The following DCLRE1A variants were observed in gnomAD, a reference collection of about 807,000 sequenced individuals.
The protein encoded by DCLRE1A is DNA cross-link repair 1A protein.
In DCLRE1A, 64 loss-of-function variants were observed where a neutral mutation model predicts 91.9. The ratio of observed to expected loss-of-function variants is 0.70; its 90% CI spans 0.57 to 0.86. The LOEUF is 0.86. Ranked by LOEUF, DCLRE1A falls within the 40% of genes least tolerant of loss-of-function variation. The probability of loss-of-function intolerance (pLI) is 0.00; values close to 1 mark genes in which losing one functional copy is unlikely to be tolerated. For missense variants in DCLRE1A, 1,145 were observed against 1,213.3 expected, an observed-to-expected ratio of 0.94 and a Z score of 0.84; for synonymous variants, 416 against 431.1, an observed-to-expected ratio of 0.96 and a Z score of 0.43.
At chr10:113,852,618 C>T in intron 1 of DCLRE1A, 105 bp downstream of exon 1, 1 of 1,144,168 alleles carries the variant, frequency 8.7e-7, no homozygotes, top group South Asian at 1.6e-5. Context: ...TCTCATCTCT[C>T]TTTTAGGTTA....
In DCLRE1A at chr10:113,841,534, C is replaced by CTT; in HGVS notation, c.2690_2691dup (p.Val898LysfsTer38). ...TTATATTTTTCCTGGGACATGCCCA[C>CTT]TTTTGAACCTAAAACATCAGCAATG... On this transcript the variant is annotated frameshift_variant, in exon 7 of 9. Coordinates refer to ENST00000361384, the MANE Select transcript of DCLRE1A (RefSeq NM_014881.5). LOFTEE classifies it high-confidence loss of function. 1 of 1,609,682 alleles carries CTT rather than the reference C, an allele frequency of 6.2e-7. No individual in the cohort carries two copies. Among genetic ancestry groups the CTT allele is most frequent in the Non-Finnish European group, 8.5e-7 (1 of 1,178,472 alleles).
chr10:113,836,334 C>T (rs1342783611), intron 8 of DCLRE1A, among the ~76,000 whole-genome samples: 2 of 151,980 alleles, frequency 1.3e-5, no homozygotes, highest in Non-Finnish European at 2.9e-5. Context: ...AACAATTCTT[C>T]CTTTAGACAC....
intron 1 of DCLRE1A, 47 bp downstream of exon 1, chr10:113,852,676 A>C (rs1845673534): frequency 6.5e-7 from 1 of 1,532,290 alleles, no homozygotes; most frequent in Middle Eastern, 1.7e-4. Flanking sequence ...GACCTAATGA[A>C]GACTTTTTAG....
intron 3 of DCLRE1A, 132 bp downstream of exon 3, chr10:113,847,070 T>C (rs1845549843): frequency 2.2e-6 from 2 of 891,916 alleles, no homozygotes; most frequent in South Asian, 2.9e-5. Context: ...AGGACTTTTA[T>C]GTGGAATATG....
upstream of DCLRE1A, chr10:113,854,183 C>T (rs1845709779): frequency 6.6e-6 from 1 of 152,556 alleles, no homozygotes; most frequent in Non-Finnish European, 1.5e-5. Flanking sequence ...GGGAGCCGCT[C>T]CAGCTGCATC....
chr10:113,849,748 A>G lies in DCLRE1A; in HGVS notation c.1357T>C (p.Tyr453His), dbSNP rs764374449. The change falls in exon 2 of 9, where the codon TAC becomes CAC. Residue 453 changes from tyrosine to histidine, a missense_variant. Coordinates refer to ENST00000361384, the MANE Select transcript of DCLRE1A (RefSeq NM_014881.5). ...QKQVIEESSV[Y>H]NQVSLPLVKS... ...ACTAACGGAAGAGAAACTTGATTGT[A>G]AACAGATGATTCTTCAATTACCTGT... is the stretch of plus-strand genomic sequence containing the variant. The G allele has an allele frequency of 2.5e-6, 4 of 1,614,202 alleles. No individual in the cohort carries two copies. The highest frequency in any genetic ancestry group is 2.2e-5 in the East Asian group (1 of 44,890).
chr10:113,844,868 A>T (rs1845505467), intron 4 of DCLRE1A, among the ~76,000 whole-genome samples: 2 of 151,664 alleles, frequency 1.3e-5, no homozygotes, highest in Admixed American at 1.3e-4. Flanking sequence ...CCCGGGAGGC[A>T]GAGGCTGCAG....
rs1564847341 is a variant in DCLRE1A, at chr10:113,853,646, CCA to C, written c.-466_-465del. 1 of 155,146 alleles carries C rather than the reference CCA, an allele frequency of 6.4e-6. No homozygotes were observed. The highest frequency in any genetic ancestry group is 1.4e-5 in the Non-Finnish European group (1 of 70,274). The allele number at this position is 155,146 out of a possible 1,614,324, so 9.6% of individuals were successfully genotyped here. A position where few individuals can be genotyped will look rare whatever the true frequency, so the allele number is the denominator to read the frequency against. ...CCGTCCAAATAATTCATAAATCCAA[CCA>C]CAGTCCCTGGACAAAGGGCTTAACA... is the stretch of plus-strand genomic sequence containing the variant. On this transcript the variant is annotated 5_prime_UTR_variant, in exon 1 of 9. Coordinates refer to ENST00000361384, the MANE Select transcript of DCLRE1A (RefSeq NM_014881.5).
Position 113,847,212 on chromosome 10 carries a change from T to A in DCLRE1A, c.2249A>T (p.Tyr750Phe), listed in dbSNP as rs200665412. The A allele has an allele frequency of 5.9e-5, 94 of 1,606,732 alleles. No individual in the cohort carries two copies. The highest frequency in any genetic ancestry group is 2.8e-4 in the Admixed American group (17 of 59,746). The change falls in exon 3 of 9, where the codon TAT becomes TTT. Residue 750 changes from tyrosine to phenylalanine, a missense_variant. By Grantham distance (22) the Tyr-to-Phe change is conservative. Coordinates refer to ENST00000361384, the MANE Select transcript of DCLRE1A (RefSeq NM_014881.5). Reference sequence around the variant, plus strand: ...AATACTAAAACTTACCTCACTACAATAAACTGGAAATGTGAAGTGTTTAGA... The same window carrying A: ...AATACTAAAACTTACCTCACTACAAAAAACTGGAAATGTGAAGTGTTTAGA... ...GLSKHFTFPV[Y>F]CSEITGNLLK...
At position 113,845,684 on chromosome 10, in the gene DCLRE1A, C is replaced by G; in HGVS notation, c.2378+1G>C. 3.1e-6 allele frequency: 5 copies of G among 1,611,338 alleles called. No homozygotes were observed. Among genetic ancestry groups the G allele is most frequent in the Non-Finnish European group, 4.2e-6 (5 of 1,177,504 alleles). On this transcript the variant is annotated splice_donor_variant, in intron 4 of 8. Coordinates refer to ENST00000361384, the MANE Select transcript of DCLRE1A (RefSeq NM_014881.5). LOFTEE classifies it high-confidence loss of function. ...GCTATTAAGATGACTTTAATACTTA[C>G]TGATTGGCATCAAGCAAAACAACTT... is the stretch of plus-strand genomic sequence containing the variant.
upstream of DCLRE1A, chr10:113,854,345 C>G (rs1297717724): frequency 6.6e-6 from 1 of 152,340 alleles, no homozygotes; most frequent in Non-Finnish European, 1.5e-5. Context: ...TTATCCCTAC[C>G]CGCTTTACCT....
At chr10:113,836,321 T>C (rs1318983393) in intron 8 of DCLRE1A, among the ~76,000 whole-genome samples, 1 of 152,136 alleles carries the variant, frequency 6.6e-6, no homozygotes, top group Non-Finnish European at 1.5e-5. Context: ...GTTTTTCTTA[T>C]TAAACAATTC....
chr10:113,835,906 G>A (rs1461273193), intron 8 of DCLRE1A, among the ~76,000 whole-genome samples: 1 of 152,118 alleles, frequency 6.6e-6, no homozygotes, highest in Non-Finnish European at 1.5e-5. Context: ...CTGTACTCCA[G>A]CCTGGCGACA....
At position 113,847,259 on chromosome 10, in the gene DCLRE1A, A is replaced by T. The variant is rs773855549; in HGVS notation, c.2202T>A (p.His734Gln). ...GCTAYFLTHF[H>Q]SDHYAGLSKH... is the part of the protein sequence containing the mutation. ...TAGACAATCCAGCATAATGATCAGA[A>T]TGAAAATGTGTGAGAAAATAGGCTG... Residue 734 changes from histidine to glutamine, a missense_variant, in exon 3 of 9, where the codon CAT (histidine) becomes CAA (glutamine). Coordinates refer to ENST00000361384, the MANE Select transcript of DCLRE1A (RefSeq NM_014881.5). 6.2e-7 allele frequency: 1 copy of T among 1,613,904 alleles called. No homozygotes were observed. The highest frequency in any genetic ancestry group is 8.5e-7 in the Non-Finnish European group (1 of 1,179,926).
chr10:113,844,438 C>T (rs1421497719), intron 4 of DCLRE1A, among the ~76,000 whole-genome samples, 194 bp from the exon 5 acceptor site: 1 of 152,116 alleles, frequency 6.6e-6, no homozygotes, highest in African/African-American at 2.4e-5. Flanking sequence ...AAAGGCAGAC[C>T]CAGGTTGCTC....
Position 113,850,257 on chromosome 10 carries a change from T to C in DCLRE1A, c.848A>G (p.His283Arg), listed in dbSNP as rs1216891166. 1.9e-6 allele frequency: 3 copies of C among 1,613,936 alleles called. No individual in the cohort carries two copies. Among genetic ancestry groups the C allele is most frequent in the South Asian group, 1.1e-5 (1 of 91,062 alleles). ...ATTTTCTGGCAATGGCAAATTTATG[T>C]GTTCTGAGTTGTTTGCAAGACGCAA... ...VALRLANNSE[H>R]INLPLPENDF... Residue 283 changes from histidine (H) to arginine (R), a missense_variant, in exon 2 of 9, where the codon CAC becomes CGC. Physicochemically the swap from His to Arg is conservative, Grantham distance 29. Coordinates refer to ENST00000361384, the MANE Select transcript of DCLRE1A (RefSeq NM_014881.5).
rs767126381 is a variant in DCLRE1A, at chr10:113,837,105, T to G, written c.2919A>C (p.Ile973=). ...CTTTGGTCTGGGGAATAACATCTGC[T>G]ATTCTAGTGAACTTGTTAGAGTGTG... ...GWTHSNKFTR[I]ADVIPQTKGN... The change falls in exon 8 of 9, where the codon ATA becomes ATC. Residue 973 remains isoleucine (I), a synonymous_variant. Coordinates refer to ENST00000361384, the MANE Select transcript of DCLRE1A (RefSeq NM_014881.5). The G allele has an allele frequency of 1.2e-6, 2 of 1,612,938 alleles. No homozygotes were observed. Among genetic ancestry groups the G allele is most frequent in the Non-Finnish European group, 1.7e-6 (2 of 1,179,498 alleles).
chr10:113,848,861 G>A, intron 2 of DCLRE1A, 119 bp downstream of exon 2: 1 of 965,474 alleles, frequency 1.0e-6, no homozygotes, highest in Non-Finnish European at 1.5e-6. Context: ...TATCACAAAA[G>A]CAAAGGAAAC....
In DCLRE1A at chr10:113,848,965, G is replaced by T; in HGVS notation, c.2125+15C>A. On this transcript the variant is annotated intron_variant, in intron 2 of 8. Transcript: ENST00000361384. ...TGTCTTTGTTGATATATCGAGTATT[G>T]ACATTTCAACTTACCAGGTATTTTC... 1 of 1,602,076 alleles carries T rather than the reference G, an allele frequency of 6.2e-7. No homozygotes were observed. The highest frequency in any genetic ancestry group is 1.1e-5 in the South Asian group (1 of 89,316).
Sources: allele counts gnomAD v4.1 joint callset (sites outside exome capture counted in the v4.1 genomes callset), GRCh38; gene constraint gnomAD v4.1.1; transcripts MANE v1.5; gene names NCBI Gene and HGNC (gene_info 2026-07-23, HGNC 2026-07-21).